The following FGD6 variants were observed in gnomAD, a reference collection of about 807,000 sequenced individuals.
The protein encoded by FGD6 is FYVE, RhoGEF and PH domain-containing protein 6.
FGD6 carries 90 observed loss-of-function variants against 149.4 expected under a neutral mutation model. That is an observed-to-expected ratio of 0.60 (90% CI 0.51 to 0.72). The LOEUF (loss-of-function observed/expected upper bound fraction) is 0.72. FGD6 is among the 30% of genes least tolerant of loss of function. The probability of loss-of-function intolerance (pLI) is 0.00; values close to 1 mark genes in which losing one functional copy is unlikely to be tolerated. For synonymous variants in FGD6, 527 were observed against 584.0 expected (o/e 0.90, Z 1.41); for missense variants, 1,437 against 1,684.8 (o/e 0.85, Z 2.57).
intron 8 of FGD6, chr12:95,126,249 G>A: frequency 7.7e-7 from 1 of 1,295,592 alleles, no homozygotes; most frequent in Non-Finnish European, 1.1e-6. Flanking sequence ...GATGACCGCT[G>A]TGGGCAAGAA....
At chr12:95,157,883 C>T (rs968841202) in intron 3 of FGD6, among the ~76,000 whole-genome samples, 2 of 152,112 alleles carry the variant, frequency 1.3e-5, no homozygotes, top group Non-Finnish European at 2.9e-5. Context: ...GAGTCTCGTT[C>T]TGTCGCCAGG....
At chr12:95,161,658 C>CA (rs1175150916) in intron 3 of FGD6, among the ~76,000 whole-genome samples, 1 of 152,070 alleles carries the variant, frequency 6.6e-6, no homozygotes, top group Non-Finnish European at 1.5e-5. Flanking sequence ...TTTCTTCTGT[C>CA]TCCTAATGTC....
intron 13 of FGD6, among the ~76,000 whole-genome samples, chr12:95,106,309 T>G (rs1284717799): frequency 2.7e-5 from 4 of 146,428 alleles, no homozygotes; most frequent in African/African-American, 1.0e-4. Context: ...CTCACTCTGT[T>G]GCTCCAGCTG....
rs1395695309 is a variant in FGD6, at chr12:95,208,937, T to C, written c.2347A>G (p.Met783Val). The change falls in exon 2 of 21, where the codon ATG (methionine) becomes GTG (valine). Residue 783 changes from methionine (M) to valine (V), a missense_variant. Met to Val is a conservative substitution (Grantham distance 21). This residue lies in a region of FGD6 where 1,055 missense variants were observed against 1,146.0 expected (regional missense o/e 0.92). Coordinates refer to ENST00000343958, the MANE Select transcript of FGD6 (RefSeq NM_018351.4). The stretch of plus-strand genomic sequence containing the variant: ...TACACATTTGCATCAGCGTCCTCCA[T>C]GCTGCTGGAATTCTGCCATTCCAAC... ...QELEWQNSSS[M>V]EDADANVYEV... 1.2e-6 allele frequency: 2 copies of C among 1,614,062 alleles called. No individual in the cohort carries two copies. The highest frequency in any genetic ancestry group is 1.7e-6 in the Non-Finnish European group (2 of 1,180,028).
chr12:95,083,000 A>ATATATATATAT, intron 20 of FGD6, among the ~76,000 whole-genome samples: 1 of 49,148 alleles, frequency 2.0e-5, no homozygotes, highest in Admixed American at 2.0e-4. Flanking sequence ...AAAAAAAAAA[A>ATATATATATAT]AAAAAAAAAA....
intron 8 of FGD6, among the ~76,000 whole-genome samples, chr12:95,131,971 C>T (rs1208837749): frequency 6.6e-6 from 1 of 151,964 alleles, no homozygotes; most frequent in African/African-American, 2.4e-5. Context: ...ACCTGGTAGG[C>T]GGAGGTTGCA....
intron 14 of FGD6, among the ~76,000 whole-genome samples, chr12:95,099,219 A>G (rs1386769929): frequency 1.3e-5 from 2 of 152,194 alleles, no homozygotes; most frequent in Admixed American, 6.5e-5. Flanking sequence ...GATGCGCAGC[A>G]CAATGCCTGG....
chr12:95,120,300 T>C (rs1879149861), intron 8 of FGD6, among the ~76,000 whole-genome samples: 1 of 151,608 alleles, frequency 6.6e-6, no homozygotes, highest in South Asian at 2.1e-4. Flanking sequence ...CAGATTCTTT[T>C]CTTGGGATCA....
intron 20 of FGD6, among the ~76,000 whole-genome samples, chr12:95,084,181 A>G (rs1277854650): frequency 6.6e-6 from 1 of 152,204 alleles, no homozygotes; most frequent in Non-Finnish European, 1.5e-5. Context: ...ATAGAAGGAG[A>G]GGTCAAATGC....
chr12:95,202,537 C>T (rs774230894), intron 2 of FGD6, among the ~76,000 whole-genome samples: 6 of 150,408 alleles, frequency 4.0e-5, no homozygotes, highest in Non-Finnish European at 8.9e-5. Flanking sequence ...ATACTTATTC[C>T]TAATTCCTTT....
chr12:95,085,530 A>G (rs2136230809), intron 19 of FGD6: 1 of 485,608 alleles, frequency 2.1e-6, no homozygotes, highest in Non-Finnish European at 3.6e-6. Flanking sequence ...TAAAGTAATT[A>G]GTAGTCACAC....
intron 16 of FGD6, among the ~76,000 whole-genome samples, chr12:95,092,377 G>C (rs754512098): frequency 2.6e-5 from 4 of 152,162 alleles, no homozygotes; most frequent in Non-Finnish European, 4.4e-5. Flanking sequence ...CTTAGTACTA[G>C]AGAGATGCAG....
intron 2 of FGD6, among the ~76,000 whole-genome samples, chr12:95,204,565 T>A (rs1439347055): frequency 6.6e-6 from 1 of 152,058 alleles, no homozygotes; most frequent in African/African-American, 2.4e-5. Flanking sequence ...GTTTCCTCAT[T>A]CTTCCTTAGT....
Position 95,080,756 on chromosome 12 carries a change from C to T in FGD6, c.*764G>A, listed in dbSNP as rs1286778453. 3 of 151,962 alleles carry T rather than the reference C, an allele frequency of 2.0e-5. No homozygotes were observed. Among genetic ancestry groups the T allele is most frequent in the Admixed American group, 1.3e-4 (2 of 15,252 alleles). The allele number at this position is 151,962 out of a possible 1,614,324, so 9.4% of individuals were successfully genotyped here. Reference sequence around the variant, plus strand: ...AAAAATGATACATTTATGTTTGTTTCGAAGTGGTAGATTTTTTAAAAGATT... The same window carrying T: ...AAAAATGATACATTTATGTTTGTTTTGAAGTGGTAGATTTTTTAAAAGATT... On this transcript the variant is annotated 3_prime_UTR_variant, in exon 21 of 21. Coordinates refer to ENST00000343958, the MANE Select transcript of FGD6 (RefSeq NM_018351.4).
At chr12:95,117,121 C>G (rs964690389) in intron 8 of FGD6, 10 of 236,198 alleles carry the variant, frequency 4.2e-5, no homozygotes, top group Non-Finnish European at 7.8e-5. Flanking sequence ...TTTCAGTTTG[C>G]CATGTTAGAC....
chr12:95,149,366 A>C (rs2136271087), intron 5 of FGD6, among the ~76,000 whole-genome samples: 1 of 117,050 alleles, frequency 8.5e-6, no homozygotes, highest in South Asian at 2.3e-4. Flanking sequence ...ATTATATTAT[A>C]TATAGCACAT....
At chr12:95,186,323 A>C (rs1881436507) in intron 2 of FGD6, among the ~76,000 whole-genome samples, 1 of 117,812 alleles carries the variant, frequency 8.5e-6, no homozygotes, top group African/African-American at 3.3e-5. Context: ...ATCTCGGCTT[A>C]CTGCAACCTC....
intron 2 of FGD6, among the ~76,000 whole-genome samples, chr12:95,184,588 T>G (rs1392667469): frequency 6.6e-6 from 1 of 151,808 alleles, no homozygotes; most frequent in Non-Finnish European, 1.5e-5. Flanking sequence ...CACGTTTTTT[T>G]TTTTTTTTTG....
At chr12:95,099,729 T>C (rs1044988651) in intron 14 of FGD6, among the ~76,000 whole-genome samples, 1 of 152,168 alleles carries the variant, frequency 6.6e-6, no homozygotes, top group Admixed American at 6.5e-5. Context: ...TGATGGTCTG[T>C]CTTCTACAAA....
Sources: allele counts gnomAD v4.1 joint callset (sites outside exome capture counted in the v4.1 genomes callset), GRCh38; gene constraint gnomAD v4.1.1; regional missense constraint gnomAD v4.1.1; transcripts MANE v1.5; gene names NCBI Gene and HGNC (gene_info 2026-07-23, HGNC 2026-07-21).